The following HGFAC variants were observed in gnomAD, a reference collection of about 807,000 sequenced individuals.
HGFAC encodes the protein HGF activator.
Under a neutral mutation model 70.6 loss-of-function variants are expected in HGFAC, and 76 were observed. That is an observed-to-expected ratio of 1.08 (90% confidence interval 0.89 to 1.30). The LOEUF (loss-of-function observed/expected upper bound fraction) is 1.30. HGFAC is among the 50% of genes most tolerant of loss of function. The pLI, the probability that HGFAC is intolerant of heterozygous loss-of-function variation, is 0.00. For missense variants in HGFAC, 1,044 were observed against 933.7 expected, an observed-to-expected ratio of 1.12 and a Z score of -1.54; for synonymous variants, 464 against 405.3, an observed-to-expected ratio of 1.14 and a Z score of -1.74.
In HGFAC at chr4:3,447,500, G is replaced by A. The variant is rs1452781382; in HGVS notation, c.1364G>A (p.Arg455Lys). Residue 455 changes from arginine to lysine, a missense_variant, in exon 11 of 14, where the codon AGG becomes AAG. Transcript: ENST00000382774. ...CAGCCCCCCTTGCACAGCCCCCCCAGGGACAGCGTCTCCGTGGTGCTGGGC... is the reference window on the plus strand; with the variant it reads ...CAGCCCCCCTTGCACAGCCCCCCCAAGGACAGCGTCTCCGTGGTGCTGGGC... ...AAHCFSHSPP[R>K]DSVSVVLGQH... 1 of 1,612,466 alleles carries A rather than the reference G, an allele frequency of 6.2e-7. No homozygotes were observed. The highest frequency in any genetic ancestry group is 8.5e-7 in the Non-Finnish European group (1 of 1,179,872).
rs774763627 is a variant in HGFAC at position 3,444,353 on chromosome 4, G to A, written c.641G>A (p.Gly214Asp). ...DETRYEYLEG[G>D]DRWARVRQGH... is the part of the protein sequence containing the mutation. ...ACCCGCTACGAGTACCTGGAGGGGG[G>A]CGACCGCTGGGCCCGCGTGCGCCAG... Residue 214 changes from glycine (G) to aspartate (D), a missense_variant, in exon 6 of 14, where the codon GGC becomes GAC. Coordinates refer to ENST00000382774, the MANE Select transcript of HGFAC (RefSeq NM_001528.4). The A allele has an allele frequency of 1.3e-5, 21 of 1,599,328 alleles. No individual in the cohort carries two copies. In the Admixed American group the frequency reaches 3.5e-4, roughly 26 times the overall value.
chr4:3,447,958 T>C lies in HGFAC; in HGVS notation c.1559T>C (p.Ile520Thr), dbSNP rs374484021. ...CATRSQFVQP[I>T]CLPEPGSTFP... Reference sequence around the variant, plus strand: ...ACACGCTCGCAGTTCGTGCAGCCCATCTGCCTGCCCGAGCCCGGCAGCACC... The same window carrying C: ...ACACGCTCGCAGTTCGTGCAGCCCACCTGCCTGCCCGAGCCCGGCAGCACC... The change falls in exon 12 of 14, where the codon ATC becomes ACC. Residue 520 changes from isoleucine (I) to threonine (T), a missense_variant. Physicochemically the swap from Ile to Thr is moderately conservative, Grantham distance 89. Transcript: ENST00000382774. 3.7e-6 allele frequency: 6 copies of C among 1,601,524 alleles called. No individual in the cohort carries two copies. Among genetic ancestry groups the C allele is most frequent in the African/African-American group, 1.3e-5 (1 of 74,634 alleles).
At position 3,443,126 on chromosome 4, in the gene HGFAC, G is replaced by C; in HGVS notation, c.375G>C (p.Glu125Asp). The stretch of plus-strand genomic sequence containing the variant: ...GCATGCTGCATGCCTGCACTTCGGA[G>C]GGCAGTGCACACAGGAAGTGGTGGG... ...GGRMLHACTSEGSAHRKWCAT... is the reference protein window; with the variant it reads ...GGRMLHACTSDGSAHRKWCAT... Residue 125 changes from glutamate (E) to aspartate (D), a missense_variant, in exon 3 of 14, where the codon GAG (glutamate) becomes GAC (aspartate). By Grantham distance (45) the Glu-to-Asp change is conservative. Transcript: ENST00000382774. 2 of 1,578,604 alleles carry C rather than the reference G, an allele frequency of 1.3e-6. No individual in the cohort carries two copies. The highest frequency in any genetic ancestry group is 1.7e-6 in the Non-Finnish European group (2 of 1,168,914).
rs1476207415 is a variant in HGFAC, at chr4:3,447,878, G to A, written c.1496-17G>A. 8 of 1,606,452 alleles carry A rather than the reference G, an allele frequency of 5.0e-6. No homozygotes were observed. The Admixed American group carries it at 6.7e-5, about 13-fold the overall frequency. The stretch of plus-strand genomic sequence containing the variant: ...GCCCGCACACCACAGGCTGACCCTG[G>A]CCACTCTTCTGATCAGTCCTGATCC... On this transcript the variant is annotated splice_polypyrimidine_tract_variant and intron_variant, in intron 11 of 13. Transcript: ENST00000382774.
chr4:3,444,452 G>A lies in HGFAC; in HGVS notation c.730+10G>A, dbSNP rs767180721. On this transcript the variant is annotated intron_variant, in intron 6 of 13. Transcript: ENST00000382774. Reference sequence around the variant, plus strand: ...GGCACCCGACATACAGGTGCGCCACGGGGTGTGAGCCGTGCCACTGACCCC... The same window carrying A: ...GGCACCCGACATACAGGTGCGCCACAGGGTGTGAGCCGTGCCACTGACCCC... 41 of 1,584,238 alleles carry A rather than the reference G, an allele frequency of 2.6e-5. No individual in the cohort carries two copies. Among genetic ancestry groups the A allele is most frequent in the Admixed American group, 1.2e-4 (7 of 57,248 alleles).
At position 3,448,009 on chromosome 4, in the gene HGFAC, T is replaced by C. The variant is rs752229136; in HGVS notation, c.1610T>C (p.Ile537Thr). Residue 537 changes from isoleucine (I) to threonine (T), a missense_variant, in exon 12 of 14, where the codon ATT becomes ACT. Transcript: ENST00000382774. ...STFPAGHKCQIAGWGHLDENV... is the reference protein window; with the variant it reads ...STFPAGHKCQTAGWGHLDENV... ...TTCCCCGCAGGACACAAGTGCCAGA[T>C]TGCGGGCTGGGGCCACTTGGATGAG... is the stretch of plus-strand genomic sequence containing the variant. 1.9e-6 allele frequency: 3 copies of C among 1,566,518 alleles called. No homozygotes were observed. In the East Asian group the frequency reaches 7.2e-5, roughly 37 times the overall value.
At chr4:3,446,431 C>A in intron 10 of HGFAC, 137 bp downstream of exon 10, 1 of 1,084,242 alleles carries the variant, frequency 9.2e-7, no homozygotes, top group Non-Finnish European at 1.3e-6. Context: ...CCCGGTAACC[C>A]TCTCTGACCC....
At position 3,446,106 on chromosome 4, in the gene HGFAC, G is replaced by T; in HGVS notation, c.1167G>T (p.Pro389=). 2.5e-6 allele frequency: 4 copies of T among 1,610,472 alleles called. No homozygotes were observed. The highest frequency in any genetic ancestry group is 3.4e-6 in the Non-Finnish European group (4 of 1,179,116). ...CGACCCTGCCTGAGCCAGCCTCCCCGGGGCGCCAGGCCTGCGGCAGGAGGC... is the reference window on the plus strand; with the variant it reads ...CGACCCTGCCTGAGCCAGCCTCCCCTGGGCGCCAGGCCTGCGGCAGGAGGC... The part of the protein sequence containing the change: ...LLATLPEPAS[P]GRQACGRRHK... Residue 389 remains proline (P), a synonymous_variant, in exon 10 of 14, where the codon CCG becomes CCT. Transcript: ENST00000382774.
In HGFAC at chr4:3,449,419, A is replaced by C. The variant is rs1166173160; in HGVS notation, c.1968A>C (p.Ter656CysextTer?). ...CCAGGCGGCTTGTGGCTCCCTCCTG[A>C]CCCTCCAGCGGGACACCCTGGTTCC... is the stretch of plus-strand genomic sequence containing the variant. ...RPPRRLVAPS* is the reference protein window; with the variant it reads ...RPPRRLVAPSC The change falls in exon 14 of 14, where the codon TGA becomes TGC. Residue 656 changes from the stop codon to cysteine (C), a stop_lost. Transcript: ENST00000382774. The C allele has an allele frequency of 6.5e-7, 1 of 1,535,388 alleles. No individual in the cohort carries two copies. Among genetic ancestry groups the C allele is most frequent in the Admixed American group, 1.9e-5 (1 of 51,392 alleles).
At position 3,445,265 on chromosome 4, in the gene HGFAC, G is replaced by C; in HGVS notation, c.1017G>C (p.Arg339=). The C allele has an allele frequency of 1.9e-6, 3 of 1,573,588 alleles. No individual in the cohort carries two copies. The highest frequency in any genetic ancestry group is 2.6e-6 in the Non-Finnish European group (3 of 1,160,288). ...LLGLGPHAYC[R]NPDNDERPWC... is the part of the protein sequence containing the mutation. ...GCCAGCCCCCACTTATGCACCGCAGGAATCCGGACAATGACGAGAGGCCCT... is the reference window on the plus strand; with the variant it reads ...GCCAGCCCCCACTTATGCACCGCAGCAATCCGGACAATGACGAGAGGCCCT... The change falls in exon 9 of 14, where the codon CGG becomes CGC. Residue 339 remains arginine, a splice_region_variant and synonymous_variant. Coordinates refer to ENST00000382774, the MANE Select transcript of HGFAC (RefSeq NM_001528.4).
In HGFAC at chr4:3,443,148, TG is replaced by T; in HGVS notation, c.395+5del. ...GGAGGGCAGTGCACACAGGAAGTGG[TG>T]GGTCCGGGCAGCCGGGGCACCCGAG... is the stretch of plus-strand genomic sequence containing the variant. On this transcript the variant is annotated splice_donor_region_variant and intron_variant, in intron 3 of 13. Coordinates refer to ENST00000382774, the MANE Select transcript of HGFAC (RefSeq NM_001528.4). 9 of 1,532,114 alleles carry T rather than the reference TG, an allele frequency of 5.9e-6. No individual in the cohort carries two copies. Among genetic ancestry groups the T allele is most frequent in the Non-Finnish European group, 7.0e-6 (8 of 1,143,260 alleles). The allele number at this position is 1,532,114 out of a possible 1,614,324, so 94.9% of individuals were successfully genotyped here. A position where few individuals can be genotyped will look rare whatever the true frequency, so the allele number is the denominator to read the frequency against.
At chr4:3,444,538 G>A (rs1243710493) in intron 6 of HGFAC, 85 bp from the exon 7 acceptor site, 2 of 1,503,890 alleles carry the variant, frequency 1.3e-6, no homozygotes, top group South Asian at 2.6e-5. Context: ...CCAGAAACAA[G>A]GGACAAGGGG....
At chr4:3,442,984 C>T in intron 2 of HGFAC, 66 bp from the exon 3 acceptor site, 3 of 1,543,920 alleles carry the variant, frequency 1.9e-6, no homozygotes, top group Non-Finnish European at 2.6e-6. Flanking sequence ...ATGGCTGCGG[C>T]TGGAGGTCCT....
At position 3,449,364 on chromosome 4, in the gene HGFAC, T is replaced by G; in HGVS notation, c.1913T>G (p.Val638Gly). The G allele has an allele frequency of 6.2e-7, 1 of 1,604,716 alleles. No homozygotes were observed. The highest frequency in any genetic ancestry group is 8.5e-7 in the Non-Finnish European group (1 of 1,174,730). ...GTCTACACCCGCGTGGCCAACTATG[T>G]GGACTGGATCAACGACCGGATACGG... The part of the protein sequence containing the change: ...PGVYTRVANY[V>G]DWINDRIRPP... The change falls in exon 14 of 14, where the codon GTG becomes GGG. Residue 638 changes from valine to glycine, a missense_variant. Val to Gly is a moderately radical substitution (Grantham distance 109). Coordinates refer to ENST00000382774, the MANE Select transcript of HGFAC (RefSeq NM_001528.4).
At chr4:3,448,357 G>C in intron 13 of HGFAC, 81 bp downstream of exon 13, 8 of 1,500,034 alleles carry the variant, frequency 5.3e-6, no homozygotes, top group Non-Finnish European at 7.2e-6. Flanking sequence ...TGCCCCTGGG[G>C]AGCCCAGAGC....
Position 3,448,167 on chromosome 4 carries a change from T to C in HGFAC, c.1676T>C (p.Val559Ala), listed in dbSNP as rs760119184. The C allele has an allele frequency of 3.1e-6, 5 of 1,599,834 alleles. No individual in the cohort carries two copies. The African/African-American group carries it at 6.7e-5, about 21-fold the overall frequency. The change falls in exon 13 of 14, where the codon GTC becomes GCC. Residue 559 changes from valine to alanine, a missense_variant. Physicochemically the swap from Val to Ala is moderately conservative, Grantham distance 64. Coordinates refer to ENST00000382774, the MANE Select transcript of HGFAC (RefSeq NM_001528.4). ...TCCAGCTCCCTGCGGGAGGCCCTGG[T>C]CCCCCTGGTCGCCGACCACAAGTGC... is the stretch of plus-strand genomic sequence containing the variant. Reference protein sequence around the residue: ...GYSSSLREALVPLVADHKCSS... With the variant: ...GYSSSLREALAPLVADHKCSS...
chr4:3,447,505 A>G lies in HGFAC; in HGVS notation c.1369A>G (p.Ser457Gly), dbSNP rs765891041. ...HCFSHSPPRD[S>G]VSVVLGQHFF... Reference sequence around the variant, plus strand: ...CCCCTTGCACAGCCCCCCCAGGGACAGCGTCTCCGTGGTGCTGGGCCAGCA... The same window carrying G: ...CCCCTTGCACAGCCCCCCCAGGGACGGCGTCTCCGTGGTGCTGGGCCAGCA... Residue 457 changes from serine to glycine, a missense_variant, in exon 11 of 14, where the codon AGC becomes GGC. Ser to Gly is a moderately conservative substitution (Grantham distance 56). Transcript: ENST00000382774. 6.8e-6 allele frequency: 11 copies of G among 1,612,460 alleles called. No homozygotes were observed. In the Admixed American group the frequency reaches 1.0e-4, roughly 15 times the overall value.
rs1398412129 is a variant in HGFAC at position 3,447,712 on chromosome 4, C to T, written c.1495+81C>T. On this transcript the variant is annotated intron_variant, in intron 11 of 13. Transcript: ENST00000382774. ...GGCCAGGCCCAGACAGGGGCAGGAG[C>T]TGGGCAGACATGTGGTGCGGGGGAA... The T allele has an allele frequency of 1.9e-6, 3 of 1,584,214 alleles. No individual in the cohort carries two copies. The East Asian group carries it at 6.7e-5, about 36-fold the overall frequency.
chr4:3,448,537 C>G (rs763096234), intron 13 of HGFAC, among the ~76,000 whole-genome samples: 1 of 152,204 alleles, frequency 6.6e-6, no homozygotes, highest in Non-Finnish European at 1.5e-5. Context: ...CCACAGAGCC[C>G]GGACAGTTCC....
Sources: allele counts gnomAD v4.1 joint callset (sites outside exome capture counted in the v4.1 genomes callset), GRCh38; gene constraint gnomAD v4.1.1; transcripts MANE v1.5; gene names NCBI Gene and HGNC (gene_info 2026-07-23, HGNC 2026-07-21).